The following MDGA2 variants were observed in gnomAD, a reference collection of about 807,000 sequenced individuals.
MDGA2 encodes MAM domain containing glycosylphosphatidylinositol anchor 2.
Under a neutral mutation model 117.8 loss-of-function variants are expected in MDGA2, and 40 were observed. That is an observed-to-expected ratio of 0.34 (90% confidence interval 0.26 to 0.44). The LOEUF (loss-of-function observed/expected upper bound fraction) is 0.44. Among genes scored for constraint, MDGA2 ranks in the 20% least tolerant of loss-of-function variants. The probability of loss-of-function intolerance (pLI) is 1.00; values close to 1 mark genes in which losing one functional copy is unlikely to be tolerated. For synonymous variants in MDGA2, 452 were observed against 439.0 expected (o/e 1.03, Z -0.37); for missense variants, 1,123 against 1,250.6 (o/e 0.90, Z 1.54).
chr14:47,017,044 T>C (rs907740979), intron 8 of MDGA2, among the ~76,000 whole-genome samples: 29 of 152,034 alleles, frequency 1.9e-4, no homozygotes, highest in African/African-American at 6.3e-4. Flanking sequence ...AGGAAAAGTA[T>C]ATGATATTGC....
intron 1 of MDGA2, among the ~76,000 whole-genome samples, chr14:47,525,715 T>A (rs923586674): frequency 4.6e-5 from 7 of 151,774 alleles, no homozygotes; most frequent in African/African-American, 1.7e-4. Flanking sequence ...AAAAAAAGCT[T>A]AATTGATTTT....
At chr14:47,561,417 G>C (rs1418369320) in intron 1 of MDGA2, among the ~76,000 whole-genome samples, 1 of 151,766 alleles carries the variant, frequency 6.6e-6, no homozygotes, top group Non-Finnish European at 1.5e-5. Context: ...GCAGTGTTTT[G>C]TAATTGTCAT....
intron 1 of MDGA2, among the ~76,000 whole-genome samples, chr14:47,631,764 A>G (rs1481714366): frequency 2.6e-5 from 4 of 152,032 alleles, no homozygotes; most frequent in Non-Finnish European, 5.9e-5. Flanking sequence ...GTCACTTTGC[A>G]AGCTTCTTGT....
chr14:47,243,360 G>A (rs558292982), intron 2 of MDGA2, among the ~76,000 whole-genome samples: 1 of 151,830 alleles, frequency 6.6e-6, no homozygotes, highest in African/African-American at 2.4e-5. Context: ...GGCCAGATAA[G>A]AGAATAAAAG....
chr14:47,020,163 T>C (rs1888237073), intron 8 of MDGA2, among the ~76,000 whole-genome samples: 3 of 152,136 alleles, frequency 2.0e-5, no homozygotes, highest in Admixed American at 6.5e-5. Context: ...TTTCCAACTA[T>C]GGGAACCGCT....
chr14:47,579,230 T>A (rs756276049), intron 1 of MDGA2, among the ~76,000 whole-genome samples: 6 of 152,080 alleles, frequency 3.9e-5, no homozygotes, highest in Non-Finnish European at 8.8e-5. Flanking sequence ...TATGACATGA[T>A]AATGTCCTTC....
At chr14:47,139,066 T>A (rs776713684) in intron 4 of MDGA2, among the ~76,000 whole-genome samples, 1 of 152,106 alleles carries the variant, frequency 6.6e-6, no homozygotes, top group Admixed American at 6.6e-5. Flanking sequence ...AATAGATATA[T>A]CTCATCTTAG....
intron 1 of MDGA2, among the ~76,000 whole-genome samples, chr14:47,539,724 T>C (rs942642171): frequency 6.6e-6 from 1 of 152,208 alleles, no homozygotes; most frequent in African/African-American, 2.4e-5. Context: ...CTTCATGGTG[T>C]AGCTTAGAGT....
intron 1 of MDGA2, among the ~76,000 whole-genome samples, chr14:47,320,908 A>C (rs547661200): frequency 6.6e-6 from 1 of 152,224 alleles, no homozygotes; most frequent in South Asian, 2.1e-4. Context: ...TTACCCAAAA[A>C]ACATTGTACC....
intron 1 of MDGA2, among the ~76,000 whole-genome samples, chr14:47,528,058 C>T (rs988397312): frequency 1.3e-5 from 2 of 152,148 alleles, no homozygotes; most frequent in African/African-American, 2.4e-5. Context: ...ATATGTAATA[C>T]GATTACCCTT....
At chr14:47,342,942 C>T in intron 1 of MDGA2, 1 of 557,466 alleles carries the variant, frequency 1.8e-6, no homozygotes, top group Non-Finnish European at 3.1e-6. Context: ...AAAACCATAC[C>T]TTCTGAAGTC....
chr14:47,605,141 C>G (rs1360063204), intron 1 of MDGA2, among the ~76,000 whole-genome samples: 1 of 152,096 alleles, frequency 6.6e-6, no homozygotes, highest in Non-Finnish European at 1.5e-5. Context: ...AGACATTTGT[C>G]TAGTCATAAG....
intron 2 of MDGA2, among the ~76,000 whole-genome samples, chr14:47,236,307 A>C (rs1476422218): frequency 4.0e-5 from 6 of 151,668 alleles, no homozygotes; most frequent in African/African-American, 9.7e-5. Flanking sequence ...AAAAAAAAAA[A>C]AAAAAACAAC....
intron 1 of MDGA2, among the ~76,000 whole-genome samples, chr14:47,613,475 TCTCTCA>T (rs1377905868): frequency 9.2e-5 from 10 of 108,998 alleles, no homozygotes; most frequent in South Asian, 4.4e-4. Context: ...TCTCTCTCTC[TCTCTCA>T]CACACACACA....
rs116502925 is a variant in MDGA2, at chr14:47,673,598, C to A, written c.280+919G>T. ...ACCACCTGCTTGTCCCAAGAGAAGACATACATTTTAGTCCACTATTAACTA... is the reference window on the plus strand; with the variant it reads ...ACCACCTGCTTGTCCCAAGAGAAGAAATACATTTTAGTCCACTATTAACTA... On this transcript the variant is annotated intron_variant, in intron 1 of 16. Coordinates refer to ENST00000399232, the MANE Select transcript of MDGA2 (RefSeq NM_001113498.3). Among the ~76,000 whole-genome samples, 1,350 of 150,146 alleles carry A rather than the reference C, an allele frequency of 9.0e-3. 21 individuals are homozygous for A. Among genetic ancestry groups the A allele is most frequent in the African/African-American group, 0.031 (1,280 of 40,796 alleles).
chr14:47,209,051 CT>C (rs138821957), intron 3 of MDGA2, among the ~76,000 whole-genome samples: 2 of 150,982 alleles, frequency 1.3e-5, no homozygotes, highest in Non-Finnish European at 3.0e-5. Flanking sequence ...TGATTATATC[CT>C]TTTTTTTTAA....
In MDGA2 at chr14:47,235,898, C is replaced by T. The variant is rs938882403; in HGVS notation, c.421-17703G>A. Reference sequence around the variant, plus strand: ...TGACCCCAGTGGCTGCTCAGGAAGCCATATCTGAAGGCTAAAATTGGCCTT... The same window carrying T: ...TGACCCCAGTGGCTGCTCAGGAAGCTATATCTGAAGGCTAAAATTGGCCTT... On this transcript the variant is annotated intron_variant, in intron 2 of 16. Coordinates refer to ENST00000399232, the MANE Select transcript of MDGA2 (RefSeq NM_001113498.3). 3.9e-4 allele frequency among the ~76,000 whole-genome samples: 59 copies of T among 152,184 alleles called. 1 individual carries two copies. Among genetic ancestry groups the T allele is most frequent in the African/African-American group, 1.4e-3 (57 of 41,502 alleles).
chr14:46,930,425 A>C lies in MDGA2; in HGVS notation c.2090-10265T>G, dbSNP rs184916965. On this transcript the variant is annotated intron_variant, in intron 9 of 16. Transcript: ENST00000399232. ...TTTCATATACCAACATCAGTAAAAA[A>C]AACAAACTTTGGTAAATAAAAACAG... Among the ~76,000 whole-genome samples the C allele has an allele frequency of 2.2e-3, 333 of 152,304 alleles. 2 individuals carry two copies. The highest frequency in any genetic ancestry group is 7.6e-3 in the African/African-American group (316 of 41,588).
At chr14:47,331,156 T>C (rs1283374165) in intron 1 of MDGA2, among the ~76,000 whole-genome samples, 1 of 141,320 alleles carries the variant, frequency 7.1e-6, no homozygotes, top group Non-Finnish European at 1.5e-5. Flanking sequence ...AGTTTAAAGA[T>C]AAATTCATAT....
Sources: gnomAD v4.1 joint callset for allele counts (sites outside exome capture counted in the v4.1 genomes callset) on GRCh38, gnomAD v4.1.1 for gene constraint, MANE v1.5 for transcripts, NCBI Gene and HGNC (gene_info 2026-07-23, HGNC 2026-07-21) for gene names.